The following TLR5 variants were observed in gnomAD, a reference collection of about 807,000 sequenced individuals.
TLR5 encodes toll like receptor 5.
For missense variants in TLR5, 944 were observed against 999.8 expected (o/e 0.94, Z 0.75); for synonymous variants, 373 against 384.4 (o/e 0.97, Z 0.35).
At chr1:223,113,170 G>T (rs538927593) in intron 5 of TLR5, 135 bp from the exon 6 acceptor site, 25 of 851,298 alleles carry the variant, frequency 2.9e-5, no homozygotes, top group Non-Finnish European at 4.7e-5. Flanking sequence ...CTCCACAGAC[G>T]TGGCTGTTGG....
chr1:223,126,616 T>A (rs1471385391), intron 5 of TLR5, among the ~76,000 whole-genome samples: 1 of 152,170 alleles, frequency 6.6e-6, no homozygotes, highest in Non-Finnish European at 1.5e-5. Flanking sequence ...GGAAAGTGCA[T>A]TTTATAGCCA....
intron 4 of TLR5, among the ~76,000 whole-genome samples, chr1:223,133,880 C>G (rs1352918340): frequency 6.6e-6 from 1 of 152,228 alleles, no homozygotes; most frequent in African/African-American, 2.4e-5. Flanking sequence ...GGGGGAGGAG[C>G]CCGCGGAGCC....
At chr1:223,117,147 GCGGGGCCGGCAGTGCTGGGGGACC>G (rs1463236708) in intron 5 of TLR5, among the ~76,000 whole-genome samples, 69 of 152,168 alleles carry the variant, frequency 4.5e-4, no homozygotes, top group African/African-American at 1.6e-3. Flanking sequence ...TGTGGCGCCG[GCGGGGCCGGCAGTGCTGGGGGACC>G]CGGGGCCCCC....
intron 4 of TLR5, among the ~76,000 whole-genome samples, chr1:223,133,539 T>C (rs1290843362): frequency 6.6e-6 from 1 of 152,172 alleles, no homozygotes; most frequent in Non-Finnish European, 1.5e-5. Context: ...GAGTCTGTAA[T>C]TGCCTCCCTG....
chr1:223,129,858 A>G (rs1657333040), intron 5 of TLR5, among the ~76,000 whole-genome samples: 1 of 152,226 alleles, frequency 6.6e-6, no homozygotes, highest in Non-Finnish European at 1.5e-5. Flanking sequence ...GAGGACTCAG[A>G]GAATCAGCAC....
Position 223,112,353 on chromosome 1 carries a change from C to A in TLR5, c.679G>T (p.Val227Leu). ...GKCMNPFRNM[V>L]LEILDVSGNG... is the part of the protein sequence containing the mutation. ...CCAGAAACATCTAGTATCTCCAGCA[C>A]CATGTTTCTGAATGGGTTCATACAT... is the stretch of plus-strand genomic sequence containing the variant. The change falls in exon 6 of 6, where the codon GTG (valine) becomes TTG (leucine). Residue 227 changes from valine to leucine, a missense_variant. Coordinates refer to ENST00000642603, the MANE Select transcript of TLR5 (RefSeq NM_003268.6). 1 of 1,614,212 alleles carries A rather than the reference C, an allele frequency of 6.2e-7. No homozygotes were observed. Among genetic ancestry groups the A allele is most frequent in the South Asian group, 1.1e-5 (1 of 91,080 alleles).
rs1411642650 is a variant in TLR5 at position 223,111,897 on chromosome 1, T to A, written c.1135A>T (p.Thr379Ser). 1.2e-6 allele frequency: 2 copies of A among 1,613,928 alleles called. No homozygotes were observed. The highest frequency in any genetic ancestry group is 1.3e-5 in the African/African-American group (1 of 74,934). ...TGTAATTTTTCCAGGAATTTGAATG[T>A]TTGGTCTTGAATTATTGCAATGTGA... ...KNHIAIIQDQ[T>S]FKFLEKLQTL... The change falls in exon 6 of 6, where the codon ACA (threonine) becomes TCA (serine). Residue 379 changes from threonine (T) to serine (S), a missense_variant. Coordinates refer to ENST00000642603, the MANE Select transcript of TLR5 (RefSeq NM_003268.6).
intron 5 of TLR5, among the ~76,000 whole-genome samples, chr1:223,115,643 T>C (rs1277427336): frequency 1.4e-5 from 1 of 69,582 alleles, no homozygotes; most frequent in Non-Finnish European, 2.5e-5. Context: ...ACGGAAGAGG[T>C]GATAACAAAA....
In TLR5 at chr1:223,110,453, G is replaced by C. The variant is rs1264358299; in HGVS notation, c.*2C>G. Reference sequence around the variant, plus strand: ...GAGATAAGTTGGAAATTGCTCCTTTGATTAGGAGATGGTTGCTACAGTTTG... The same window carrying C: ...GAGATAAGTTGGAAATTGCTCCTTTCATTAGGAGATGGTTGCTACAGTTTG... On this transcript the variant is annotated 3_prime_UTR_variant, in exon 6 of 6. Coordinates refer to ENST00000642603, the MANE Select transcript of TLR5 (RefSeq NM_003268.6). 1.2e-6 allele frequency: 2 copies of C among 1,613,676 alleles called. No homozygotes were observed. The highest frequency in any genetic ancestry group is 3.3e-5 in the Admixed American group (2 of 59,996).
Position 223,125,137 on chromosome 1 carries a change from TTAA to T in TLR5, c.-5+7335_-5+7337del, listed in dbSNP as rs530514749. ...TGTGAAATTCACATTCTTGAATATGTTAATATTATTCTCCAGCATATCAATAGT... is the reference window on the plus strand; with the variant it reads ...TGTGAAATTCACATTCTTGAATATGTTATTATTCTCCAGCATATCAATAGT... On this transcript the variant is annotated intron_variant, in intron 5 of 5. Coordinates refer to ENST00000642603, the MANE Select transcript of TLR5 (RefSeq NM_003268.6). Among the ~76,000 whole-genome samples, 9 of 152,318 alleles carry T rather than the reference TTAA, an allele frequency of 5.9e-5. No homozygotes were observed. In the South Asian group the frequency reaches 1.5e-3, roughly 25 times the overall value.
chr1:223,117,125 C>G (rs143265416), intron 5 of TLR5, among the ~76,000 whole-genome samples: 1 of 152,118 alleles, frequency 6.6e-6, no homozygotes, highest in African/African-American at 2.4e-5. Flanking sequence ...TGAGGCCCGT[C>G]GAGAATTCGA....
Position 223,112,699 on chromosome 1 carries a change from A to G in TLR5, c.333T>C (p.His111=), listed in dbSNP as rs756017329. The G allele has an allele frequency of 3.2e-5, 52 of 1,614,266 alleles. No individual in the cohort carries two copies. The East Asian group carries it at 1.1e-3, about 35-fold the overall frequency. The change falls in exon 6 of 6, where the codon CAT becomes CAC. Residue 111 remains histidine, a synonymous_variant. Coordinates refer to ENST00000642603, the MANE Select transcript of TLR5 (RefSeq NM_003268.6). ...DLGSSKIYFL[H]PDAFQGLFHL... The stretch of plus-strand genomic sequence containing the variant: ...GGAACAGTCCCTGAAAAGCATCTGG[A>G]TGCAAGAAGTATATCTTACTACTTC...
At chr1:223,135,412 G>A (rs1345481771) in intron 3 of TLR5, among the ~76,000 whole-genome samples, 2 of 152,190 alleles carry the variant, frequency 1.3e-5, no homozygotes, top group Non-Finnish European at 2.9e-5. Context: ...AGTCAGGGCA[G>A]GGAGTCAGCT....
chr1:223,135,757 C>T (rs985256447), intron 3 of TLR5, among the ~76,000 whole-genome samples: 2 of 152,210 alleles, frequency 1.3e-5, no homozygotes, highest in Admixed American at 6.5e-5. Flanking sequence ...GCTGTTACAC[C>T]GGATCTTGAA....
intron 5 of TLR5, among the ~76,000 whole-genome samples, chr1:223,121,193 G>A (rs1656937885): frequency 6.6e-6 from 1 of 152,154 alleles, no homozygotes; most frequent in Admixed American, 6.5e-5. Context: ...TCTTCTAGTT[G>A]CACATAAGCA....
At chr1:223,113,143 C>T (rs1656456354) in intron 5 of TLR5, 108 bp from the exon 6 acceptor site, 2 of 1,036,868 alleles carry the variant, frequency 1.9e-6, no homozygotes, top group Non-Finnish European at 1.5e-6. Flanking sequence ...CTCCCTTTGA[C>T]CCCTTCATTC....
At chr1:223,124,694 C>T (rs1416557686) in intron 5 of TLR5, among the ~76,000 whole-genome samples, 2 of 152,206 alleles carry the variant, frequency 1.3e-5, no homozygotes, top group Non-Finnish European at 2.9e-5. Flanking sequence ...GCCTCCACTT[C>T]CCAGGCTCAT....
intron 5 of TLR5, among the ~76,000 whole-genome samples, chr1:223,125,023 T>C (rs901850730): frequency 1.3e-5 from 2 of 152,326 alleles, no homozygotes; most frequent in South Asian, 2.1e-4. Context: ...TGACTAATAT[T>C]GGAGGTGTAT....
chr1:223,131,988 C>A lies in TLR5; in HGVS notation c.-5+487G>T, dbSNP rs1657412108. On this transcript the variant is annotated intron_variant, in intron 5 of 5. Transcript: ENST00000642603. The surrounding 1 kb of genome is among the most constrained non-coding windows in gnomAD (Gnocchi z 4.2). Reference sequence around the variant, plus strand: ...TAGATTGTAAGTCTTGAGGGGCAGGCACTCAGTTTCATTCATGCAGGATCC... The same window carrying A: ...TAGATTGTAAGTCTTGAGGGGCAGGAACTCAGTTTCATTCATGCAGGATCC... Among the ~76,000 whole-genome samples, 1 of 152,050 alleles carries A rather than the reference C, an allele frequency of 6.6e-6. No homozygotes were observed. Among genetic ancestry groups the A allele is most frequent in the Non-Finnish European group, 1.5e-5 (1 of 68,006 alleles).
Sources: allele counts gnomAD v4.1 joint callset (sites outside exome capture counted in the v4.1 genomes callset), GRCh38; gene constraint gnomAD v4.1.1; non-coding constraint Gnocchi (gnomAD v3.1); transcripts MANE v1.5; gene names NCBI Gene and HGNC (gene_info 2026-07-23, HGNC 2026-07-21).